The following INPP4B variants were observed in gnomAD, a reference collection of about 807,000 sequenced individuals.
INPP4B encodes inositol polyphosphate 4-phosphatase type II.
A neutral mutation model predicts 122.5 loss-of-function variants in INPP4B; 55 were observed. That is an observed-to-expected ratio of 0.45 (90% CI 0.36 to 0.56). INPP4B has a LOEUF of 0.56. INPP4B is among the 20% of genes least tolerant of loss of function. The probability of loss-of-function intolerance (pLI) is 0.00; values close to 1 mark genes in which losing one functional copy is unlikely to be tolerated. For synonymous variants in INPP4B, 403 were observed against 388.7 expected (o/e 1.04, Z -0.43); for missense variants, 1,000 against 1,097.7 (o/e 0.91, Z 1.26).
At chr4:142,681,251 A>G (rs13102826) in intron 2 of INPP4B, among the ~76,000 whole-genome samples, 129,592 of 151,714 alleles carry the variant, frequency 0.85, 55,406 homozygotes, top group African/African-American at 0.89. Flanking sequence ...TTGAAACTCT[A>G]TACAGTGTTC....
At chr4:142,178,618 A>C (rs1829403695) in intron 15 of INPP4B, among the ~76,000 whole-genome samples, 1 of 152,076 alleles carries the variant, frequency 6.6e-6, no homozygotes, top group Non-Finnish European at 1.5e-5. Flanking sequence ...AGCCATTAAA[A>C]AATAGAGATG....
At chr4:142,433,393 A>G (rs1490711810) in intron 3 of INPP4B, among the ~76,000 whole-genome samples, 1 of 152,138 alleles carries the variant, frequency 6.6e-6, no homozygotes, top group Admixed American at 6.6e-5. Flanking sequence ...TATCTTACTC[A>G]GAAGAGGTAC....
intron 25 of INPP4B, among the ~76,000 whole-genome samples, chr4:142,054,761 C>A (rs560585675): frequency 6.6e-6 from 1 of 152,180 alleles, no homozygotes; most frequent in Non-Finnish European, 1.5e-5. Flanking sequence ...CCACTGACAG[C>A]TAATGGCATT....
chr4:142,740,502 G>C (rs1443978920), intron 1 of INPP4B, among the ~76,000 whole-genome samples: 1 of 152,028 alleles, frequency 6.6e-6, no homozygotes, highest in Non-Finnish European at 1.5e-5. Flanking sequence ...AATGAAGTCG[G>C]AGTTGAAACA....
intron 16 of INPP4B, among the ~76,000 whole-genome samples, chr4:142,168,841 C>A (rs1352773098): frequency 6.6e-6 from 1 of 151,572 alleles, no homozygotes; most frequent in Non-Finnish European, 1.5e-5. Flanking sequence ...TGAATTCTAG[C>A]AATCTTGGCC....
intron 14 of INPP4B, among the ~76,000 whole-genome samples, chr4:142,204,999 CA>C (rs1842085026): frequency 2.0e-5 from 3 of 152,104 alleles, no homozygotes; most frequent in African/African-American, 7.2e-5. Flanking sequence ...TGTAAACACA[CA>C]GACACACACA....
At chr4:142,466,141 T>A (rs1440966468) in intron 2 of INPP4B, among the ~76,000 whole-genome samples, 1 of 151,930 alleles carries the variant, frequency 6.6e-6, no homozygotes, top group Non-Finnish European at 1.5e-5. Context: ...TGGGCAGAAG[T>A]TGGAAGAGTT....
At position 142,325,687 on chromosome 4, in the gene INPP4B, A is replaced by G. The variant is rs184553960; in HGVS notation, c.373-10925T>C. 4.2e-3 allele frequency among the ~76,000 whole-genome samples: 639 copies of G among 152,330 alleles called. 8 individuals carry two copies. The highest frequency in any genetic ancestry group is 0.014 in the African/African-American group (591 of 41,564). On this transcript the variant is annotated intron_variant, in intron 7 of 25. Transcript: ENST00000262992. Reference sequence around the variant, plus strand: ...ATTTCTCTAAAGCAGTGATGTTCACACCACAGCTCCTAGTCACATGGGTCT... The same window carrying G: ...ATTTCTCTAAAGCAGTGATGTTCACGCCACAGCTCCTAGTCACATGGGTCT...
intron 2 of INPP4B, among the ~76,000 whole-genome samples, chr4:142,672,956 C>T (rs1431117164): frequency 6.6e-6 from 1 of 152,034 alleles, no homozygotes; most frequent in African/African-American, 2.4e-5. Context: ...AAATGGATAT[C>T]CAGTTTTTCC....
chr4:142,126,294 T>C (rs57194029), intron 18 of INPP4B, among the ~76,000 whole-genome samples: 1 of 152,180 alleles, frequency 6.6e-6, no homozygotes, highest in African/African-American at 2.4e-5. Context: ...GCAAGCATCA[T>C]TGTGAGTAAT....
At chr4:142,726,720 C>A (rs1263008834) in intron 1 of INPP4B, among the ~76,000 whole-genome samples, 1 of 152,146 alleles carries the variant, frequency 6.6e-6, no homozygotes, top group African/African-American at 2.4e-5. Context: ...CAGTTTAAAA[C>A]AACATTGATT....
At chr4:142,452,491 G>A (rs954629081) in intron 3 of INPP4B, among the ~76,000 whole-genome samples, 1 of 152,196 alleles carries the variant, frequency 6.6e-6, no homozygotes, top group African/African-American at 2.4e-5. Flanking sequence ...AAAGGGCTTA[G>A]CTAAATCTTT....
chr4:142,431,474 T>C, intron 3 of INPP4B, 89 bp from the exon 4 acceptor site: 1 of 546,282 alleles, frequency 1.8e-6, no homozygotes, highest in Non-Finnish European at 3.3e-6. Flanking sequence ...GCAACTACAT[T>C]CAAATAAACT....
chr4:142,698,886 C>T (rs565101718), intron 2 of INPP4B, among the ~76,000 whole-genome samples: 1 of 152,260 alleles, frequency 6.6e-6, no homozygotes, highest in Non-Finnish European at 1.5e-5. Flanking sequence ...CACTTTTCTC[C>T]ACTCTAGCTC....
chr4:142,830,840 G>A (rs979144070), intron 1 of INPP4B, among the ~76,000 whole-genome samples: 1 of 119,084 alleles, frequency 8.4e-6, no homozygotes, highest in African/African-American at 3.7e-5. Context: ...ATAGCAAAAC[G>A]CTGTCTCTAC....
At chr4:142,202,854 T>C (rs896873262) in intron 14 of INPP4B, 1 of 787,664 alleles carries the variant, frequency 1.3e-6, no homozygotes, top group Non-Finnish European at 1.5e-6. Flanking sequence ...GGCAAGCCCA[T>C]TCATTCCCTG....
At chr4:142,439,646 T>C (rs1435722504) in intron 3 of INPP4B, among the ~76,000 whole-genome samples, 1 of 152,214 alleles carries the variant, frequency 6.6e-6, no homozygotes, top group East Asian at 1.9e-4. Flanking sequence ...TTTCCTCCTA[T>C]GAAGCAGCAT....
At chr4:142,162,752 G>C (rs1358260247) in intron 16 of INPP4B, among the ~76,000 whole-genome samples, 3 of 151,902 alleles carry the variant, frequency 2.0e-5, no homozygotes, top group Non-Finnish European at 4.4e-5. Context: ...AAAGGCAAGG[G>C]AGATCATGCA....
chr4:142,654,864 G>A (rs916974895), intron 2 of INPP4B, among the ~76,000 whole-genome samples: 1 of 152,184 alleles, frequency 6.6e-6, no homozygotes, highest in Non-Finnish European at 1.5e-5. Flanking sequence ...ATGTTCCAAA[G>A]CATGAAGTGA....
Sources: allele counts gnomAD v4.1 joint callset (sites outside exome capture counted in the v4.1 genomes callset), GRCh38; gene constraint gnomAD v4.1.1; transcripts MANE v1.5; gene names NCBI Gene and HGNC (gene_info 2026-07-23, HGNC 2026-07-21).